MTUS2: variants seen among roughly 807,000 people sequenced by gnomAD.
MTUS2 encodes microtubule-associated tumor suppressor candidate 2.
Under a neutral mutation model 114.1 loss-of-function variants are expected in MTUS2, and 40 were observed. That is an observed-to-expected ratio of 0.35 (90% confidence interval 0.27 to 0.46). MTUS2 has a LOEUF of 0.46. Ranked by LOEUF, MTUS2 falls within the 20% of genes least tolerant of loss-of-function variation. The probability of loss-of-function intolerance (pLI) is 1.00; values close to 1 mark genes in which losing one functional copy is unlikely to be tolerated. For missense variants in MTUS2, 1,679 were observed against 1,705.4 expected (o/e 0.98, Z 0.27); for synonymous variants, 688 against 672.0 (o/e 1.02, Z -0.37).
At chr13:29,458,910 G>T (rs535128529) in intron 9 of MTUS2, among the ~76,000 whole-genome samples, 3 of 152,226 alleles carry the variant, frequency 2.0e-5, no homozygotes, top group Non-Finnish European at 4.4e-5. Flanking sequence ...ATGGGTGGCC[G>T]TGCTTCTCTG....
intron 5 of MTUS2, among the ~76,000 whole-genome samples, chr13:29,238,771 A>G (rs1896627224): frequency 6.6e-6 from 1 of 152,152 alleles, no homozygotes; most frequent in African/African-American, 2.4e-5. Context: ...GCATCCTTCA[A>G]TCCAATCAAG....
Position 29,365,275 on chromosome 13 carries a change from G to A in MTUS2, c.3117+5802G>A, listed in dbSNP as rs141242389. Among the ~76,000 whole-genome samples, 873 of 152,264 alleles carry A rather than the reference G, an allele frequency of 5.7e-3. 5 individuals are homozygous for A. The highest frequency in any genetic ancestry group is 0.019 in the African/African-American group (780 of 41,572). ...GAACCCTTGGCCTGTGGTGTCAGTTGTGCAAAACATCATGGTCAGTGGAAA... is the reference window on the plus strand; with the variant it reads ...GAACCCTTGGCCTGTGGTGTCAGTTATGCAAAACATCATGGTCAGTGGAAA... On this transcript the variant is annotated intron_variant, in intron 8 of 15. Coordinates refer to ENST00000612955, the MANE Select transcript of MTUS2 (RefSeq NM_001033602.4).
chr13:29,420,923 A>C (rs1593424903), intron 8 of MTUS2, among the ~76,000 whole-genome samples: 2 of 152,324 alleles, frequency 1.3e-5, no homozygotes, highest in Non-Finnish European at 2.9e-5. Flanking sequence ...CAGACAGGGA[A>C]AAAAAGATTA....
intron 2 of MTUS2, among the ~76,000 whole-genome samples, chr13:29,001,860 C>T (rs1000602645): frequency 6.6e-6 from 1 of 152,078 alleles, no homozygotes; most frequent in Non-Finnish European, 1.5e-5. Flanking sequence ...ATGTGATGAT[C>T]AAAACAGAAG....
At chr13:28,973,477 A>T (rs1437911430) in intron 2 of MTUS2, among the ~76,000 whole-genome samples, 1 of 152,164 alleles carries the variant, frequency 6.6e-6, no homozygotes, top group East Asian at 1.9e-4. Context: ...TGTACCTAAG[A>T]CCTACTGTTG....
chr13:29,193,103 C>T (rs1360352112), intron 5 of MTUS2, among the ~76,000 whole-genome samples: 1 of 152,122 alleles, frequency 6.6e-6, no homozygotes, highest in African/African-American at 2.4e-5. Flanking sequence ...CATTTCCAGC[C>T]TCTAACTGCA....
intron 2 of MTUS2, among the ~76,000 whole-genome samples, chr13:28,855,983 A>G (rs1349168970): frequency 3.3e-5 from 5 of 152,086 alleles, no homozygotes; most frequent in Admixed American, 6.5e-5. Flanking sequence ...ATGAGATGGT[A>G]TCTCATTGTG....
In MTUS2 at chr13:29,492,255, TTGTG is replaced by T. The variant is rs528671577; in HGVS notation, c.3506-386_3506-383del. Among the ~76,000 whole-genome samples, 314 of 146,318 alleles carry T rather than the reference TTGTG, an allele frequency of 2.1e-3. 1 individual carries two copies. The highest frequency in any genetic ancestry group is 7.0e-3 in the African/African-American group (276 of 39,582). On this transcript the variant is annotated intron_variant, in intron 11 of 15. Transcript: ENST00000612955. Reference sequence around the variant, plus strand: ...ATGTGTGTGGCATGTGTGTATGTGATTGTGTGTGGTAGATGTGTGTGGCATGTGG... The same window carrying T: ...ATGTGTGTGGCATGTGTGTATGTGATTGTGGTAGATGTGTGTGGCATGTGG...
intron 2 of MTUS2, among the ~76,000 whole-genome samples, chr13:28,995,429 C>T (rs1305298785): frequency 1.3e-5 from 2 of 152,154 alleles, no homozygotes; most frequent in Non-Finnish European, 2.9e-5. Context: ...TTTTCCAATT[C>T]TGTGAAGAAA....
rs761143432 is a variant in MTUS2 at position 29,227,054 on chromosome 13, C to CT, written c.2645-54649dup. ...AGGTGGATCTCTTGAGATCAGGAGT[C>CT]TGAGACCAGCCTGCCCAACATGGCG... On this transcript the variant is annotated intron_variant, in intron 5 of 15. Coordinates refer to ENST00000612955, the MANE Select transcript of MTUS2 (RefSeq NM_001033602.4). Among the ~76,000 whole-genome samples, 35 of 151,962 alleles carry CT rather than the reference C, an allele frequency of 2.3e-4. 1 individual carries two copies. Among genetic ancestry groups the CT allele is most frequent in the Admixed American group, 1.2e-3 (19 of 15,240 alleles).
rs150612706 is a variant in MTUS2, at chr13:28,994,156, G to T, written c.-242-30301G>T. 2.0e-5 allele frequency among the ~76,000 whole-genome samples: 3 copies of T among 152,150 alleles called. No homozygotes were observed. The South Asian group carries it at 6.2e-4, about 32-fold the overall frequency. On this transcript the variant is annotated intron_variant, in intron 2 of 15. Transcript: ENST00000612955. ...TATGAGTGAGAACATGCAGTGTTTG[G>T]TTTTTTGTCCTTGGGATAGTTTGCT...
chr13:28,845,150 G>A (rs971612118), intron 2 of MTUS2, among the ~76,000 whole-genome samples: 5 of 151,780 alleles, frequency 3.3e-5, no homozygotes, highest in African/African-American at 1.2e-4. Context: ...TTGTAGAGAT[G>A]GCATCTTGCT....
chr13:29,444,690 T>C (rs1191681107), intron 9 of MTUS2, among the ~76,000 whole-genome samples: 2 of 152,154 alleles, frequency 1.3e-5, no homozygotes, highest in East Asian at 1.9e-4. Context: ...AGTATATCAT[T>C]TGGGATAAGC....
chr13:29,244,967 A>AAAAAG (rs2139409081), intron 5 of MTUS2, among the ~76,000 whole-genome samples: 1 of 148,694 alleles, frequency 6.7e-6, no homozygotes, highest in South Asian at 2.2e-4. Context: ...AAAAAAAAAA[A>AAAAAG]AAAAAAAAAA....
At chr13:29,288,002 T>C (rs577536711) in intron 6 of MTUS2, among the ~76,000 whole-genome samples, 11 of 152,358 alleles carry the variant, frequency 7.2e-5, no homozygotes, top group African/African-American at 2.4e-4. Flanking sequence ...CTCTCACTTA[T>C]ACAACTGAAT....
chr13:29,498,387 G>A (rs774552594), intron 13 of MTUS2, 31 bp from the exon 14 acceptor site: 14 of 1,612,622 alleles, frequency 8.7e-6, no homozygotes, highest in Non-Finnish European at 1.1e-5. Flanking sequence ...GGGAATCCTG[G>A]TCAACAGCTC....
Position 29,480,511 on chromosome 13 carries a change from C to G in MTUS2, c.3399+147C>G, listed in dbSNP as rs1024416795. ...TCTGAGTTGCTTTCTCCTTTCTCCC[C>G]GCTCCTCTCTTCTCCTCCAGCCACT... On this transcript the variant is annotated intron_variant, in intron 10 of 15. Coordinates refer to ENST00000612955, the MANE Select transcript of MTUS2 (RefSeq NM_001033602.4). The surrounding 1 kb of genome is among the most constrained non-coding windows in gnomAD (Gnocchi z 4.4). 4.5e-6 allele frequency: 4 copies of G among 891,880 alleles called. No individual in the cohort carries two copies. In the African/African-American group the frequency reaches 5.1e-5, roughly 11 times the overall value. The allele number at this position is 891,880 out of a possible 1,614,324, so 55.2% of individuals were successfully genotyped here.
chr13:29,432,622 C>G (rs1877091898), intron 8 of MTUS2, among the ~76,000 whole-genome samples: 1 of 152,168 alleles, frequency 6.6e-6, no homozygotes, highest in Non-Finnish European at 1.5e-5. Flanking sequence ...GGGCTCATCT[C>G]CCATATCCCC....
At chr13:29,416,579 G>T (rs1309950265) in intron 8 of MTUS2, among the ~76,000 whole-genome samples, 1 of 151,934 alleles carries the variant, frequency 6.6e-6, no homozygotes, top group African/African-American at 2.4e-5. Flanking sequence ...GGTGAATAAA[G>T]CTCATACACT....
Sources: allele counts gnomAD v4.1 joint callset (sites outside exome capture counted in the v4.1 genomes callset), GRCh38; gene constraint gnomAD v4.1.1; non-coding constraint Gnocchi (gnomAD v3.1); transcripts MANE v1.5; gene names NCBI Gene and HGNC (gene_info 2026-07-23, HGNC 2026-07-21).